The following CNTN6 variants were observed in gnomAD, a reference collection of about 807,000 sequenced individuals.
CNTN6 encodes the protein contactin 6.
Under a neutral mutation model 122.8 loss-of-function variants are expected in CNTN6, and 137 were observed. That is an observed-to-expected ratio of 1.12 (90% CI 0.97 to 1.29). The LOEUF is 1.29. Ranked by LOEUF, CNTN6 falls within the 50% of genes most tolerant of loss-of-function variation. The pLI, the probability that CNTN6 is intolerant of heterozygous loss-of-function variation, is 0.00. For missense variants in CNTN6, 1,634 were observed against 1,223.4 expected (o/e 1.34, Z -5.01); for synonymous variants, 570 against 426.0 (o/e 1.34, Z -4.16).
intron 4 of CNTN6, among the ~76,000 whole-genome samples, chr3:1,237,845 A>C (rs2125592153): frequency 6.6e-6 from 1 of 152,250 alleles, no homozygotes; most frequent in Admixed American, 6.5e-5. Context: ...CAGACAAATA[A>C]ATGCTGGGAG....
chr3:1,140,753 A>C (rs2092589979), intron 1 of CNTN6, among the ~76,000 whole-genome samples: 1 of 152,150 alleles, frequency 6.6e-6, no homozygotes, highest in South Asian at 2.1e-4. Context: ...TAACAAACAT[A>C]TTTGCATTTA....
intron 20 of CNTN6, among the ~76,000 whole-genome samples, chr3:1,396,957 T>G (rs1292406546): frequency 6.6e-6 from 1 of 152,206 alleles, no homozygotes; most frequent in African/African-American, 2.4e-5. Flanking sequence ...TGATATTTGA[T>G]CTTCCATTGG....
At chr3:1,329,500 A>G (rs563748293) in intron 10 of CNTN6, among the ~76,000 whole-genome samples, 62 of 151,902 alleles carry the variant, frequency 4.1e-4, no homozygotes, top group Admixed American at 1.4e-3. Context: ...TATTGAGCCT[A>G]TACTTTGCGC....
At chr3:1,322,757 T>C (rs1264334888) in intron 8 of CNTN6, among the ~76,000 whole-genome samples, 1 of 151,544 alleles carries the variant, frequency 6.6e-6, no homozygotes, top group Non-Finnish European at 1.5e-5. Context: ...GTAATATTAT[T>C]TTCCATTTTC....
At chr3:1,114,563 A>G (rs2091629382) in intron 1 of CNTN6, among the ~76,000 whole-genome samples, 1 of 152,220 alleles carries the variant, frequency 6.6e-6, no homozygotes, top group African/African-American at 2.4e-5. Context: ...ACAGGTCAAT[A>G]GGAACACAGG....
rs1452475428 is a variant in CNTN6, at chr3:1,399,421, T to C, written c.2705-2012T>C. Reference sequence around the variant, plus strand: ...AGCATTATAAATGACAAGTACGTTGTACATTGACAAGCAAAGTAATGGATG... The same window carrying C: ...AGCATTATAAATGACAAGTACGTTGCACATTGACAAGCAAAGTAATGGATG... On this transcript the variant is annotated intron_variant, in intron 20 of 22. Coordinates refer to ENST00000446702, the MANE Select transcript of CNTN6 (RefSeq NM_001289080.2). Among the ~76,000 whole-genome samples the C allele has an allele frequency of 2.6e-5, 4 of 152,112 alleles. No homozygotes were observed. The East Asian group carries it at 7.7e-4, about 29-fold the overall frequency.
intron 20 of CNTN6, among the ~76,000 whole-genome samples, chr3:1,401,044 T>A (rs760793305): frequency 1.3e-5 from 2 of 152,150 alleles, no homozygotes; most frequent in Non-Finnish European, 2.9e-5. Flanking sequence ...AACATCTATG[T>A]GTTGATATAT....
intron 9 of CNTN6, among the ~76,000 whole-genome samples, chr3:1,326,165 C>G (rs996010879): frequency 1.3e-5 from 2 of 151,924 alleles, no homozygotes; most frequent in South Asian, 4.1e-4. Flanking sequence ...AGACAAATAA[C>G]TTTCACAAAA....
intron 2 of CNTN6, among the ~76,000 whole-genome samples, chr3:1,187,180 A>G (rs561303253): frequency 6.6e-6 from 1 of 152,298 alleles, no homozygotes; most frequent in Non-Finnish European, 1.5e-5. Flanking sequence ...CCTTAAAGTG[A>G]AAACCTTCCT....
At chr3:1,114,139 A>G (rs994225486) in intron 1 of CNTN6, among the ~76,000 whole-genome samples, 8 of 152,200 alleles carry the variant, frequency 5.3e-5, no homozygotes, top group African/African-American at 1.9e-4. Context: ...GTGTGGCTTG[A>G]TGAGTATACA....
intron 1 of CNTN6, among the ~76,000 whole-genome samples, chr3:1,143,556 T>C (rs2092660537): frequency 1.3e-5 from 2 of 152,170 alleles, no homozygotes; most frequent in Non-Finnish European, 2.9e-5. Flanking sequence ...CTAGCAGAAA[T>C]TTTACTCACT....
At chr3:1,306,467 C>T (rs996001216) in intron 7 of CNTN6, among the ~76,000 whole-genome samples, 42 of 152,224 alleles carry the variant, frequency 2.8e-4, no homozygotes, top group African/African-American at 8.7e-4. Flanking sequence ...CATAAACAAG[C>T]GCTCAACCTA....
intron 2 of CNTN6, among the ~76,000 whole-genome samples, chr3:1,168,946 AAC>A (rs2125284190): frequency 6.6e-6 from 1 of 152,314 alleles, no homozygotes; most frequent in Admixed American, 6.5e-5. Flanking sequence ...TATAGAGAAT[AAC>A]TCAGGTGGAC....
chr3:1,098,097 G>T (rs866366826), intron 1 of CNTN6, among the ~76,000 whole-genome samples: 34 of 108,252 alleles, frequency 3.1e-4, no homozygotes, highest in Admixed American at 8.8e-4. Context: ...ATATTTGCGG[G>T]GGGGGGAGGG....
chr3:1,398,574 TATGTC>T (rs1695271259), intron 20 of CNTN6, among the ~76,000 whole-genome samples: 1 of 152,122 alleles, frequency 6.6e-6, no homozygotes, highest in Non-Finnish European at 1.5e-5. Context: ...AAAAATTGAT[TATGTC>T]ATAACACCAC....
At chr3:1,232,151 C>G (rs756808062) in intron 4 of CNTN6, among the ~76,000 whole-genome samples, 4 of 152,156 alleles carry the variant, frequency 2.6e-5, no homozygotes, top group African/African-American at 7.2e-5. Context: ...ATATATAACT[C>G]TACCAATGAA....
chr3:1,322,151 C>T (rs1343550482), intron 8 of CNTN6, among the ~76,000 whole-genome samples: 2 of 151,494 alleles, frequency 1.3e-5, no homozygotes, highest in Admixed American at 6.6e-5. Flanking sequence ...AAACGTTCTG[C>T]AGCAGATTAT....
At chr3:1,383,271 T>TATGTC in intron 18 of CNTN6, 22 bp from the exon 19 acceptor site, 5 of 1,604,470 alleles carry the variant, frequency 3.1e-6, no homozygotes, top group Non-Finnish European at 3.4e-6. Flanking sequence ...TAAAGATGGT[T>TATGTC]ATGTCTTTCT....
chr3:1,230,189 G>A (rs1271106220), intron 4 of CNTN6, among the ~76,000 whole-genome samples: 3 of 152,156 alleles, frequency 2.0e-5, no homozygotes, highest in Non-Finnish European at 4.4e-5. Context: ...GATAACCACA[G>A]CAGATAAATG....
Sources: gnomAD v4.1 joint callset for allele counts (sites outside exome capture counted in the v4.1 genomes callset) on GRCh38, gnomAD v4.1.1 for gene constraint, MANE v1.5 for transcripts, NCBI Gene and HGNC (gene_info 2026-07-23, HGNC 2026-07-21) for gene names.